Variants in PLXNB1 observed in about 807,000 individuals in gnomAD.
The protein encoded by PLXNB1 is plexin-B1.
Under a neutral mutation model 209.4 loss-of-function variants are expected in PLXNB1, and 106 were observed. The ratio of observed to expected loss-of-function variants is 0.51; its 90% CI spans 0.43 to 0.59. The LOEUF is 0.59. PLXNB1 is among the 20% of genes least tolerant of loss of function. The pLI is 0.00. For synonymous variants in PLXNB1, 1,167 were observed against 1,183.2 expected (o/e 0.99, Z 0.28); for missense variants, 2,357 against 2,853.2 (o/e 0.83, Z 3.96).
Position 48,404,587 on chromosome 3 carries a change from TG to T in PLXNB1, c.6306del (p.Ile2103SerfsTer64). 1 of 1,609,770 alleles carries T rather than the reference TG, an allele frequency of 6.2e-7. No individual in the cohort carries two copies. The highest frequency in any genetic ancestry group is 8.5e-7 in the Non-Finnish European group (1 of 1,176,950). ...YKYINKYYDQ[I>X]ITALEEDGTA... ...GTGCCATCCTCCTCCAGGGCAGTGA[TG>T]ATCTGAAACAGAGACCAATGCCATC... On this transcript the variant is annotated frameshift_variant and splice_region_variant, in exon 38 of 38. Transcript: ENST00000296440. LOFTEE classifies it high-confidence loss of function.
In PLXNB1 at chr3:48,406,500, G is replaced by A; in HGVS notation, c.6228+323C>T. The A allele has an allele frequency of 1.2e-6, 1 of 844,388 alleles. No individual in the cohort carries two copies. The highest frequency in any genetic ancestry group is 1.4e-6 in the Non-Finnish European group (1 of 701,152). The allele number at this position is 844,388 out of a possible 1,614,324, so 52.3% of individuals were successfully genotyped here. ...GTGAAGGGGACACCTGTGCCACCAA[G>A]GGAAGCACAGCAGTGGGAAGACGCA... On this transcript the variant is annotated intron_variant, in intron 36 of 37. Transcript: ENST00000296440. The surrounding 1 kb of genome is among the most constrained non-coding windows in gnomAD (Gnocchi z 4.4).
chr3:48,422,656 C>A, intron 4 of PLXNB1, 109 bp downstream of exon 4: 1 of 1,315,730 alleles, frequency 7.6e-7, no homozygotes, highest in Non-Finnish European at 1.0e-6. Flanking sequence ...GAGCTCAGGT[C>A]ATCTCTCCTG....
chr3:48,409,832 C>T lies in PLXNB1; in HGVS notation c.5778+73G>A, dbSNP rs2037548811. 1 of 1,578,216 alleles carries T rather than the reference C, an allele frequency of 6.3e-7. No homozygotes were observed. Among genetic ancestry groups the T allele is most frequent in the Non-Finnish European group, 8.6e-7 (1 of 1,157,070 alleles). On this transcript the variant is annotated intron_variant, in intron 32 of 37. Coordinates refer to ENST00000296440, the MANE Select transcript of PLXNB1 (RefSeq NM_001130082.3). The surrounding 1 kb of genome is among the most constrained non-coding windows in gnomAD (Gnocchi z 5.8). ...GCACTGTGCCTGCACGAGCCCCACA[C>T]CACCCCCAAATCCCACGAGTGGCCA...
rs1157154658 is a variant in PLXNB1, at chr3:48,419,965, G to A, written c.2321C>T (p.Ala774Val). 2 of 1,586,118 alleles carry A rather than the reference G, an allele frequency of 1.3e-6. No homozygotes were observed. Among genetic ancestry groups the A allele is most frequent in the Non-Finnish European group, 1.7e-6 (2 of 1,164,320 alleles). The change falls in exon 11 of 38, where the codon GCC becomes GTC. Residue 774 changes from alanine (A) to valine (V), a missense_variant. By Grantham distance (64) the Ala-to-Val change is moderately conservative. This residue lies in a region of PLXNB1 where 410 missense variants were observed against 401.0 expected (regional missense o/e 1.02). Coordinates refer to ENST00000296440, the MANE Select transcript of PLXNB1 (RefSeq NM_001130082.3). This position sits in a 1 kb window ranked among gnomAD's most constrained non-coding sequence, Gnocchi z 5.7. ...GGCTGAGGGTCTGAAGTCAGTGGGG[G>A]CAGGGACAGCGGTTCCAGGTCCATT... is the stretch of plus-strand genomic sequence containing the variant. ...PQNGPGTAVP[A>V]PTDFRPSATP...
intron 3 of PLXNB1, among the ~76,000 whole-genome samples, chr3:48,423,279 C>T (rs1189384830): frequency 1.3e-5 from 2 of 152,198 alleles, no homozygotes; most frequent in Admixed American, 1.3e-4. Context: ...ACCCCTCCAG[C>T]ATCCTGGTCC....
At position 48,407,049 on chromosome 3, in the gene PLXNB1, G is replaced by A. The variant is rs766221983; in HGVS notation, c.6130C>T (p.Arg2044Trp). Residue 2044 changes from arginine to tryptophan, a missense_variant, in exon 35 of 38, where the codon CGG (arginine) becomes TGG (tryptophan). Transcript: ENST00000296440. ...NKLLYARDIP[R>W]YKRMVERYYA... Reference sequence around the variant, plus strand: ...TACCTTTCCACCATCCGCTTGTACCGGGGAATGTCCCGTGCATACAGAAGT... The same window carrying A: ...TACCTTTCCACCATCCGCTTGTACCAGGGAATGTCCCGTGCATACAGAAGT... 12 of 1,613,876 alleles carry A rather than the reference G, an allele frequency of 7.4e-6. No homozygotes were observed. The highest frequency in any genetic ancestry group is 1.3e-5 in the African/African-American group (1 of 74,886).
At position 48,404,524 on chromosome 3, in the gene PLXNB1, T is replaced by C; in HGVS notation, c.6370A>G (p.Ile2124Val). ...KMQLGYRLQQ[I>V]AAAVENKVTD... is the part of the protein sequence containing the mutation. ...ACCTTGTTTTCCACAGCAGCTGCAA[T>C]CTGCTGGAGCCGATAGCCCAGCTGC... The change falls in exon 38 of 38, where the codon ATT becomes GTT. Residue 2124 changes from isoleucine to valine, a missense_variant. Around this residue, in one of 7 missense-constraint regions of PLXNB1, gnomAD observed 414 missense variants for 520.5 expected, o/e 0.80. Coordinates refer to ENST00000296440, the MANE Select transcript of PLXNB1 (RefSeq NM_001130082.3). The C allele has an allele frequency of 6.2e-7, 1 of 1,613,518 alleles. No homozygotes were observed. The highest frequency in any genetic ancestry group is 8.5e-7 in the Non-Finnish European group (1 of 1,179,532).
In PLXNB1 at chr3:48,422,882, CG is replaced by C; in HGVS notation, c.1172del (p.Pro391ArgfsTer15). 1 of 1,614,128 alleles carries C rather than the reference CG, an allele frequency of 6.2e-7. No homozygotes were observed. The highest frequency in any genetic ancestry group is 8.5e-7 in the Non-Finnish European group (1 of 1,179,974). Reference sequence around the variant, plus strand: ...ACTCCAGAATTGGTGTGGCTTCCAGCGGGACCCGGCTGGCCATGGGGCTGGG... The same window carrying C: ...ACTCCAGAATTGGTGTGGCTTCCAGCGGACCCGGCTGGCCATGGGGCTGGG... ...HTPSPMASRVPLEATPILEWP... is the reference protein window; with the variant it reads ...HTPSPMASRVXLEATPILEWP... On this transcript the variant is annotated frameshift_variant, in exon 4 of 38. Transcript: ENST00000296440. LOFTEE classifies it high-confidence loss of function.
Position 48,413,987 on chromosome 3 carries a change from G to A in PLXNB1, c.4294C>T (p.Arg1432Trp), listed in dbSNP as rs749282758. 4.0e-5 allele frequency: 64 copies of A among 1,613,610 alleles called. No individual in the cohort carries two copies. Among genetic ancestry groups the A allele is most frequent in the Non-Finnish European group, 4.8e-5 (57 of 1,180,004 alleles). The change falls in exon 22 of 38, where the codon CGG becomes TGG. Residue 1432 changes from arginine (R) to tryptophan (W), a missense_variant. Physicochemically the swap from Arg to Trp is moderately radical, Grantham distance 101. Around this residue, in one of 7 missense-constraint regions of PLXNB1, gnomAD observed 743 missense variants for 896.2 expected, o/e 0.83. Coordinates refer to ENST00000296440, the MANE Select transcript of PLXNB1 (RefSeq NM_001130082.3). The surrounding 1 kb of genome is among the most constrained non-coding windows in gnomAD (Gnocchi z 5.4). ...DGPCVVKTLT[R>W]HHLYCEPPVE... ...GGGGGCTCGCAGTACAGGTGGTGCCGCGTCAGCGTCTTCACCACACAGGGG... is the reference window on the plus strand; with the variant it reads ...GGGGGCTCGCAGTACAGGTGGTGCCACGTCAGCGTCTTCACCACACAGGGG...
At position 48,410,255 on chromosome 3, in the gene PLXNB1, G is replaced by T; in HGVS notation, c.5605+41C>A. On this transcript the variant is annotated intron_variant, in intron 31 of 37. Transcript: ENST00000296440. The surrounding 1 kb of genome is among the most constrained non-coding windows in gnomAD (Gnocchi z 6.4). ...GACCTTCCCCATGACTCCGGGCTGG[G>T]CACAGCAGGGGCAGAGGACCGTGAT... is the stretch of plus-strand genomic sequence containing the variant. 6.5e-7 allele frequency: 1 copy of T among 1,538,282 alleles called. No homozygotes were observed. Among genetic ancestry groups the T allele is most frequent in the Non-Finnish European group, 8.9e-7 (1 of 1,125,914 alleles).
intron 34 of PLXNB1, among the ~76,000 whole-genome samples, chr3:48,407,317 C>G (rs2037374011): frequency 6.6e-6 from 1 of 152,148 alleles, no homozygotes; most frequent in Non-Finnish European, 1.5e-5. Flanking sequence ...AATGTCCAGT[C>G]TCTGATGTCA....
In PLXNB1 at chr3:48,404,390, A is replaced by G. The variant is rs1575370568; in HGVS notation, c.*96T>C. ...TCACCTTCCACTAACTCTGCTTGTCAGTCACTACAGGCACCTAAGAAGGTG... is the reference window on the plus strand; with the variant it reads ...TCACCTTCCACTAACTCTGCTTGTCGGTCACTACAGGCACCTAAGAAGGTG... On this transcript the variant is annotated 3_prime_UTR_variant, in exon 38 of 38. Transcript: ENST00000296440. 1.4e-6 allele frequency: 1 copy of G among 710,950 alleles called. No individual in the cohort carries two copies. The highest frequency in any genetic ancestry group is 2.7e-5 in the East Asian group (1 of 37,414). The allele number at this position is 710,950 out of a possible 1,614,324, so 44.0% of individuals were successfully genotyped here. A position where few individuals can be genotyped will look rare whatever the true frequency, so the allele number is the denominator to read the frequency against.
At chr3:48,426,893 A>T (rs1050192802) in intron 1 of PLXNB1, among the ~76,000 whole-genome samples, 1 of 152,140 alleles carries the variant, frequency 6.6e-6, no homozygotes, top group African/African-American at 2.4e-5. Flanking sequence ...ATGAGGAAAG[A>T]AAGTTTCTTC....
chr3:48,412,146 A>T lies in PLXNB1; in HGVS notation c.5100+92T>A, dbSNP rs902069049. Reference sequence around the variant, plus strand: ...TGAGCAGGAGTCTCTGCTCTGGCACAAGTGTCCGAGCTGCATGGTGGCTGA... The same window carrying T: ...TGAGCAGGAGTCTCTGCTCTGGCACTAGTGTCCGAGCTGCATGGTGGCTGA... On this transcript the variant is annotated intron_variant, in intron 27 of 37. Transcript: ENST00000296440. The T allele has an allele frequency of 2.0e-6, 3 of 1,488,754 alleles. No individual in the cohort carries two copies. The African/African-American group carries it at 4.1e-5, about 21-fold the overall frequency. The allele number at this position is 1,488,754 out of a possible 1,614,324, so 92.2% of individuals were successfully genotyped here. A position where few individuals can be genotyped will look rare whatever the true frequency, so the allele number is the denominator to read the frequency against.
rs373768004 is a variant in PLXNB1 at position 48,404,470 on chromosome 3, C to T, written c.*16G>A. 8.3e-6 allele frequency: 13 copies of T among 1,567,904 alleles called. No homozygotes were observed. The highest frequency in any genetic ancestry group is 8.1e-5 in the African/African-American group (6 of 74,108). ...AGGCCAGGCTGAAGCAACAGCAGGC[C>T]GTGGCTCCTGGGTTCCTATAGATCT... On this transcript the variant is annotated 3_prime_UTR_variant, in exon 38 of 38. Coordinates refer to ENST00000296440, the MANE Select transcript of PLXNB1 (RefSeq NM_001130082.3).
intron 34 of PLXNB1, among the ~76,000 whole-genome samples, chr3:48,408,491 C>T (rs775316961): frequency 8.5e-5 from 13 of 152,216 alleles, no homozygotes; most frequent in South Asian, 6.2e-4. Context: ...AGGGGACTCT[C>T]GGCTTTGACT....
At position 48,409,608 on chromosome 3, in the gene PLXNB1, A is replaced by G. The variant is rs747280394; in HGVS notation, c.5902T>C (p.Ser1968Pro). 4.3e-6 allele frequency: 7 copies of G among 1,614,044 alleles called. No homozygotes were observed. In the South Asian group the frequency reaches 7.7e-5, roughly 18 times the overall value. The change falls in exon 33 of 38, where the codon TCC becomes CCC. Residue 1968 changes from serine (S) to proline (P), a missense_variant. By Grantham distance (74) the Ser-to-Pro change is moderately conservative (BLOSUM62 -1). Around this residue, in one of 7 missense-constraint regions of PLXNB1, gnomAD observed 414 missense variants for 520.5 expected, o/e 0.80. Transcript: ENST00000296440. The surrounding 1 kb of genome is among the most constrained non-coding windows in gnomAD (Gnocchi z 5.8). ...LDEQAQQHGI[S>P]DQDTIHIWKT... ...CAGATGTGGATGGTGTCCTGGTCGG[A>G]GATGCCATGCTGCTGGGCCTGCTCA...
At chr3:48,422,732 T>C (rs1377806288) in intron 4 of PLXNB1, 33 bp downstream of exon 4, 1 of 1,601,104 alleles carries the variant, frequency 6.2e-7, no homozygotes, top group Admixed American at 1.7e-5. Context: ...CTCCAGACTC[T>C]GGGGCAGGGG....
At chr3:48,428,519 A>T (rs1204634145) in intron 1 of PLXNB1, among the ~76,000 whole-genome samples, 1 of 152,172 alleles carries the variant, frequency 6.6e-6, no homozygotes, top group Non-Finnish European at 1.5e-5. Context: ...CGACAACAAA[A>T]GGGGCTCACA....
Sources: gnomAD v4.1 joint callset for allele counts (sites outside exome capture counted in the v4.1 genomes callset) on GRCh38, gnomAD v4.1.1 for gene constraint, gnomAD v4.1.1 regional missense constraint, Gnocchi (gnomAD v3.1) non-coding constraint, MANE v1.5 for transcripts, NCBI Gene and HGNC (gene_info 2026-07-23, HGNC 2026-07-21) for gene names.